Variants in NXPH2 observed in about 807,000 individuals in gnomAD.
NXPH2 encodes neurexophilin 2.
In NXPH2, 5 loss-of-function variants were observed where a neutral mutation model predicts 19.8. That is an observed-to-expected ratio of 0.25 (90% CI 0.13 to 0.53). The LOEUF is 0.53. Among genes scored for constraint, NXPH2 ranks in the 20% least tolerant of loss-of-function variants. NXPH2 has a pLI of 0.96. For missense variants in NXPH2, 289 were observed against 322.8 expected (o/e 0.90, Z 0.80); for synonymous variants, 154 against 127.4 (o/e 1.21, Z -1.41).
intron 1 of NXPH2, among the ~76,000 whole-genome samples, chr2:138,741,431 A>G (rs1319493576): frequency 6.6e-6 from 1 of 152,132 alleles, no homozygotes; most frequent in Non-Finnish European, 1.5e-5. Flanking sequence ...GATTTTAGAG[A>G]ATGCTAGAAA....
chr2:138,734,813 T>C (rs890889369), intron 1 of NXPH2, among the ~76,000 whole-genome samples: 25 of 152,110 alleles, frequency 1.6e-4, no homozygotes, highest in African/African-American at 5.8e-4. Context: ...AGAGATGCAA[T>C]ATGGTGAGCA....
At chr2:138,741,186 T>C (rs1681636734) in intron 1 of NXPH2, among the ~76,000 whole-genome samples, 1 of 152,176 alleles carries the variant, frequency 6.6e-6, no homozygotes, top group African/African-American at 2.4e-5. Context: ...CGAATGCTGT[T>C]GACTTTTCAG....
chr2:138,767,435 T>G (rs972572073), intron 1 of NXPH2, among the ~76,000 whole-genome samples: 1 of 152,240 alleles, frequency 6.6e-6, no homozygotes, highest in Non-Finnish European at 1.5e-5. Flanking sequence ...CCTGAGACCC[T>G]TGCATGCCCC....
intron 1 of NXPH2, among the ~76,000 whole-genome samples, chr2:138,736,730 C>T (rs1049412186): frequency 1.3e-5 from 2 of 152,216 alleles, no homozygotes; most frequent in African/African-American, 4.8e-5. Flanking sequence ...TGTCAGGCTG[C>T]AAATTTTCCA....
At chr2:138,704,973 C>T (rs1031207348) in intron 1 of NXPH2, among the ~76,000 whole-genome samples, 14 of 152,090 alleles carry the variant, frequency 9.2e-5, no homozygotes, top group South Asian at 2.1e-4. Flanking sequence ...TACAGGTGTC[C>T]GCCACTATGC....
intron 1 of NXPH2, among the ~76,000 whole-genome samples, chr2:138,762,314 C>T (rs1682030635): frequency 6.6e-6 from 1 of 150,672 alleles, no homozygotes; most frequent in Non-Finnish European, 1.5e-5. Flanking sequence ...GCTCTAGCAT[C>T]CCAAAATTCT....
At chr2:138,676,967 T>C (rs1014246566) in intron 1 of NXPH2, among the ~76,000 whole-genome samples, 1 of 152,190 alleles carries the variant, frequency 6.6e-6, no homozygotes, top group Non-Finnish European at 1.5e-5. Flanking sequence ...TGTTTGTAGA[T>C]CTTTGATTCC....
intron 1 of NXPH2, 114 bp downstream of exon 1, chr2:138,780,077 C>G (rs1339699764): frequency 4.5e-6 from 5 of 1,111,620 alleles, no homozygotes; most frequent in Middle Eastern, 2.2e-4. Flanking sequence ...TCCGCGCGCC[C>G]CCAACCCCAC....
intron 1 of NXPH2, among the ~76,000 whole-genome samples, chr2:138,771,381 C>T (rs771635275): frequency 3.3e-5 from 5 of 151,424 alleles, no homozygotes; most frequent in South Asian, 2.1e-4. Flanking sequence ...GAAAGACATA[C>T]GTTAAACTAT....
At chr2:138,679,075 GCTT>G (rs1349346819) in intron 1 of NXPH2, among the ~76,000 whole-genome samples, 2 of 152,246 alleles carry the variant, frequency 1.3e-5, no homozygotes, top group African/African-American at 4.8e-5. Flanking sequence ...TGATAGCTCC[GCTT>G]CTTCTCCGGA....
chr2:138,776,404 G>A (rs576328355), intron 1 of NXPH2, among the ~76,000 whole-genome samples: 9 of 152,116 alleles, frequency 5.9e-5, no homozygotes, highest in African/African-American at 1.9e-4. Context: ...TCATTTTTCT[G>A]TATGGAAGGC....
At chr2:138,742,025 C>T (rs1028486509) in intron 1 of NXPH2, among the ~76,000 whole-genome samples, 2 of 152,200 alleles carry the variant, frequency 1.3e-5, no homozygotes, top group Non-Finnish European at 2.9e-5. Flanking sequence ...ATCATTACCT[C>T]ATGATTCTAG....
At chr2:138,762,514 G>A (rs1682032475) in intron 1 of NXPH2, among the ~76,000 whole-genome samples, 1 of 152,114 alleles carries the variant, frequency 6.6e-6, no homozygotes, top group Non-Finnish European at 1.5e-5. Context: ...TATTATGGAA[G>A]GAATTTGCTT....
intron 1 of NXPH2, among the ~76,000 whole-genome samples, chr2:138,752,701 C>T (rs868604033): frequency 1.3e-5 from 2 of 152,260 alleles, no homozygotes; most frequent in Middle Eastern, 3.4e-3. Flanking sequence ...CATCCAGGTA[C>T]GCATTCCATT....
intron 1 of NXPH2, among the ~76,000 whole-genome samples, chr2:138,727,755 T>A (rs78221318): frequency 0.17 from 25,682 of 152,122 alleles, 2,248 homozygotes; most frequent in East Asian, 0.24. Context: ...CAAGCATTTT[T>A]AATTTTAATA....
chr2:138,708,351 A>G (rs971176515), intron 1 of NXPH2, among the ~76,000 whole-genome samples: 11 of 152,238 alleles, frequency 7.2e-5, no homozygotes, highest in South Asian at 2.1e-4. Flanking sequence ...GTATCTGAAC[A>G]TACAATTGAG....
chr2:138,691,587 G>A lies in NXPH2; in HGVS notation c.52-19922C>T, dbSNP rs115046829. Among the ~76,000 whole-genome samples, 1,094 of 152,170 alleles carry A rather than the reference G, an allele frequency of 7.2e-3. 7 individuals carry two copies. The highest frequency in any genetic ancestry group is 0.012 in the Admixed American group (184 of 15,270). On this transcript the variant is annotated intron_variant, in intron 1 of 1. Coordinates refer to ENST00000272641, the MANE Select transcript of NXPH2 (RefSeq NM_007226.3). ...TAGCCCCTTATGTTTTCTGCATCAG[G>A]GAATTTATTCCTCACTATTGGGAGA...
intron 1 of NXPH2, among the ~76,000 whole-genome samples, chr2:138,742,928 T>C (rs1214776894): frequency 6.6e-6 from 1 of 152,192 alleles, no homozygotes; most frequent in Admixed American, 6.5e-5. Flanking sequence ...TGGTCTCGGA[T>C]ATGGCAACCA....
intron 1 of NXPH2, among the ~76,000 whole-genome samples, chr2:138,703,309 T>C (rs1252477578): frequency 1.3e-5 from 2 of 152,178 alleles, no homozygotes; most frequent in African/African-American, 4.8e-5. Flanking sequence ...AGAGTCTAAC[T>C]AATGAACGTC....
Sources: gnomAD v4.1 joint callset for allele counts (sites outside exome capture counted in the v4.1 genomes callset) on GRCh38, gnomAD v4.1.1 for gene constraint, MANE v1.5 for transcripts, NCBI Gene and HGNC (gene_info 2026-07-23, HGNC 2026-07-21) for gene names.